The following TMPRSS15 variants were observed in gnomAD, a reference collection of about 807,000 sequenced individuals.
TMPRSS15 encodes the protein transmembrane serine protease 15.
A neutral mutation model predicts 125.3 loss-of-function variants in TMPRSS15; 128 were observed. The observed-to-expected ratio is 1.02, with a 90% CI of 0.89 to 1.18. The LOEUF is 1.18. Ranked by LOEUF, TMPRSS15 falls within the 50% of genes most tolerant of loss-of-function variation. TMPRSS15 has a pLI of 0.00. For missense variants in TMPRSS15, 1,283 were observed against 1,212.7 expected (o/e 1.06, Z -0.86); for synonymous variants, 446 against 423.2 (o/e 1.05, Z -0.66).
intron 1 of TMPRSS15, among the ~76,000 whole-genome samples, chr21:18,471,153 G>C (rs989402916): frequency 1.3e-5 from 2 of 151,952 alleles, no homozygotes; most frequent in Non-Finnish European, 2.9e-5. Context: ...CAACAGAACT[G>C]TATTAAGGTT....
At chr21:18,335,280 T>C (rs1005223454) in intron 13 of TMPRSS15, among the ~76,000 whole-genome samples, 1 of 152,324 alleles carries the variant, frequency 6.6e-6, no homozygotes, top group African/African-American at 2.4e-5. Flanking sequence ...ACTGGGTTTT[T>C]AAAAAAATCT....
chr21:18,281,021 A>G lies in TMPRSS15; in HGVS notation c.2668+19T>C, dbSNP rs2074691052. On this transcript the variant is annotated intron_variant, in intron 22 of 24. Coordinates refer to ENST00000284885, the MANE Select transcript of TMPRSS15 (RefSeq NM_002772.3). ...AATTTTGGCAGATAAGATGACTAAG[A>G]GTGATTTTTTTTTTTTACCTGTGTA... The G allele has an allele frequency of 6.3e-7, 1 of 1,589,376 alleles. No individual in the cohort carries two copies. The highest frequency in any genetic ancestry group is 8.6e-7 in the Non-Finnish European group (1 of 1,168,954).
chr21:18,465,187 A>G (rs2122955271), intron 1 of TMPRSS15, among the ~76,000 whole-genome samples: 5 of 152,136 alleles, frequency 3.3e-5, no homozygotes, highest in African/African-American at 1.2e-4. Context: ...AGATGCAGAA[A>G]AGGCCTTGAA....
At chr21:18,461,482 A>G (rs2122952583) in intron 1 of TMPRSS15, among the ~76,000 whole-genome samples, 2 of 152,234 alleles carry the variant, frequency 1.3e-5, no homozygotes, top group East Asian at 3.9e-4. Context: ...TAAAAAAAAA[A>G]TAAATGCACT....
chr21:18,313,690 A>G (rs1002704083), intron 17 of TMPRSS15, among the ~76,000 whole-genome samples: 2 of 151,952 alleles, frequency 1.3e-5, no homozygotes, highest in African/African-American at 2.4e-5. Flanking sequence ...TTTGAAAAAT[A>G]TAAATTTAGT....
chr21:18,372,018 T>G lies in TMPRSS15; in HGVS notation c.664+175A>C, dbSNP rs186125843. Among the ~76,000 whole-genome samples the G allele has an allele frequency of 2.1e-3, 326 of 152,000 alleles. 3 individuals carry two copies. The highest frequency in any genetic ancestry group is 7.1e-3 in the African/African-American group (296 of 41,500). ...GTTTAGGAAAATATTAATAAAATTA[T>G]TTTAAGATTTTGTATTATATTTTAA... On this transcript the variant is annotated intron_variant, in intron 6 of 24. Coordinates refer to ENST00000284885, the MANE Select transcript of TMPRSS15 (RefSeq NM_002772.3).
chr21:18,369,917 T>G, intron 6 of TMPRSS15, among the ~76,000 whole-genome samples: 2 of 148,366 alleles, frequency 1.3e-5, no homozygotes, highest in East Asian at 3.9e-4. Context: ...TTAAACAATA[T>G]TATCCCACAA....
intron 20 of TMPRSS15, 63 bp downstream of exon 20, chr21:18,294,540 A>C: frequency 6.2e-7 from 1 of 1,602,548 alleles, no homozygotes; most frequent in South Asian, 1.1e-5. Context: ...CAGGTGACAT[A>C]AAACTCTATT....
chr21:18,426,000 T>C (rs964514423), intron 1 of TMPRSS15, among the ~76,000 whole-genome samples: 1 of 152,182 alleles, frequency 6.6e-6, no homozygotes, highest in Non-Finnish European at 1.5e-5. Flanking sequence ...AAATATCTTT[T>C]TATTCACCTA....
upstream of TMPRSS15, among the ~76,000 whole-genome samples, chr21:18,407,031 A>C (rs1269700441): frequency 1.3e-5 from 2 of 152,202 alleles, no homozygotes; most frequent in Non-Finnish European, 2.9e-5. Context: ...ACAAGTTTAG[A>C]GGGTTATATG....
intron 1 of TMPRSS15, among the ~76,000 whole-genome samples, chr21:18,470,505 C>T (rs549127852): frequency 1.3e-5 from 2 of 152,044 alleles, no homozygotes; most frequent in African/African-American, 4.8e-5. Flanking sequence ...GTTATTTCTC[C>T]CTCTGATACT....
At chr21:18,445,536 A>G (rs1275389287) in intron 1 of TMPRSS15, among the ~76,000 whole-genome samples, 2 of 152,122 alleles carry the variant, frequency 1.3e-5, no homozygotes, top group African/African-American at 4.8e-5. Flanking sequence ...GATTGATTCC[A>G]TATCTTCACT....
intron 16 of TMPRSS15, among the ~76,000 whole-genome samples, chr21:18,318,690 A>G (rs2075200782): frequency 6.6e-6 from 1 of 152,366 alleles, no homozygotes; most frequent in Admixed American, 6.5e-5. Flanking sequence ...AGTAACTGAA[A>G]AAGTGTAGAG....
chr21:18,432,062 A>G (rs2076217306), intron 1 of TMPRSS15, among the ~76,000 whole-genome samples: 1 of 152,164 alleles, frequency 6.6e-6, no homozygotes, highest in Non-Finnish European at 1.5e-5. Flanking sequence ...TGAACTGAAA[A>G]CTTTAATTCT....
At chr21:18,440,129 C>T (rs1259820866) in intron 1 of TMPRSS15, among the ~76,000 whole-genome samples, 1 of 151,898 alleles carries the variant, frequency 6.6e-6, no homozygotes, top group Non-Finnish European at 1.5e-5. Context: ...AATCCCAGCA[C>T]TTTGGGAGGC....
At chr21:18,433,880 AT>A (rs2076222239) in intron 1 of TMPRSS15, among the ~76,000 whole-genome samples, 2 of 152,086 alleles carry the variant, frequency 1.3e-5, no homozygotes, top group Non-Finnish European at 2.9e-5. Context: ...AAGTTGAAAA[AT>A]ATCTGTCCTT....
chr21:18,419,776 GC>G (rs894862329), intron 1 of TMPRSS15, among the ~76,000 whole-genome samples: 3 of 152,126 alleles, frequency 2.0e-5, no homozygotes, highest in Admixed American at 2.0e-4. Flanking sequence ...AATACATCCT[GC>G]CCTGGTATGT....
chr21:18,373,351 G>A (rs1268811203), intron 5 of TMPRSS15, among the ~76,000 whole-genome samples: 1 of 151,984 alleles, frequency 6.6e-6, no homozygotes, highest in Non-Finnish European at 1.5e-5. Flanking sequence ...AAACCAATGG[G>A]AAATTCATGG....
chr21:18,402,527 CAAAA>C (rs60612261), intron 1 of TMPRSS15, among the ~76,000 whole-genome samples: 1 of 109,132 alleles, frequency 9.2e-6, no homozygotes. Flanking sequence ...GACTCTATCT[CAAAA>C]AAAAAAAAAA....
Sources: gnomAD v4.1 joint callset for allele counts (sites outside exome capture counted in the v4.1 genomes callset) on GRCh38, gnomAD v4.1.1 for gene constraint, MANE v1.5 for transcripts, NCBI Gene and HGNC (gene_info 2026-07-23, HGNC 2026-07-21) for gene names.